The following RBM19 variants were observed in gnomAD, a reference collection of about 807,000 sequenced individuals.
RBM19 encodes probable RNA-binding protein 19.
A neutral mutation model predicts 116.8 loss-of-function variants in RBM19; 94 were observed. The observed-to-expected ratio is 0.80, with a 90% CI of 0.68 to 0.95. RBM19 has a LOEUF of 0.95. Among genes scored for constraint, RBM19 ranks in the 40% least tolerant of loss-of-function variants. RBM19 has a pLI of 0.00. For missense variants in RBM19, 1,161 were observed against 1,220.7 expected (o/e 0.95, Z 0.73); for synonymous variants, 475 against 494.1 (o/e 0.96, Z 0.51).
chr12:113,845,311 C>G (rs533675852), intron 22 of RBM19, among the ~76,000 whole-genome samples: 1 of 152,238 alleles, frequency 6.6e-6, no homozygotes, highest in South Asian at 2.1e-4. Flanking sequence ...CTGGTTCCCC[C>G]AGCCCTGCGC....
At chr12:113,915,613 C>T (rs1360257750) in intron 20 of RBM19, among the ~76,000 whole-genome samples, 1 of 152,168 alleles carries the variant, frequency 6.6e-6, no homozygotes, top group Non-Finnish European at 1.5e-5. Flanking sequence ...CCTCCCACTC[C>T]ACCAAAACAG....
chr12:113,954,889 C>T (rs957066985), intron 7 of RBM19, among the ~76,000 whole-genome samples: 3 of 152,126 alleles, frequency 2.0e-5, no homozygotes, highest in African/African-American at 7.2e-5. Flanking sequence ...AGAGTGTGTG[C>T]CCACCCTGGT....
chr12:113,832,733 T>C (rs1875536681), intron 23 of RBM19, among the ~76,000 whole-genome samples: 2 of 152,202 alleles, frequency 1.3e-5, no homozygotes, highest in Non-Finnish European at 2.9e-5. Context: ...AACCTCTGTC[T>C]CCAGGTGGAT....
At chr12:113,854,081 C>T (rs1877687735) in intron 22 of RBM19, among the ~76,000 whole-genome samples, 1 of 152,040 alleles carries the variant, frequency 6.6e-6, no homozygotes, top group South Asian at 2.1e-4. Flanking sequence ...TGAATGCAAG[C>T]TTTGGAATTA....
intron 21 of RBM19, among the ~76,000 whole-genome samples, chr12:113,862,397 G>T (rs1279055581): frequency 1.3e-5 from 2 of 151,990 alleles, no homozygotes; most frequent in African/African-American, 4.8e-5. Context: ...AACGGTGTGG[G>T]ATCATATAAG....
At chr12:113,963,744 C>T (rs1295763917) in intron 1 of RBM19, among the ~76,000 whole-genome samples, 3 of 152,184 alleles carry the variant, frequency 2.0e-5, no homozygotes, top group Non-Finnish European at 4.4e-5. Flanking sequence ...GACTTTCTGG[C>T]ACCAAAGTCT....
chr12:113,927,888 C>T (rs796460571), intron 16 of RBM19, among the ~76,000 whole-genome samples: 11 of 152,210 alleles, frequency 7.2e-5, no homozygotes, highest in African/African-American at 2.6e-4. Context: ...GGTAGAGTAC[C>T]ACCAAAAGCT....
At chr12:113,896,946 A>AG (rs1309443175) in intron 21 of RBM19, among the ~76,000 whole-genome samples, 1 of 152,238 alleles carries the variant, frequency 6.6e-6, no homozygotes, top group Non-Finnish European at 1.5e-5. Flanking sequence ...GTAGCAGTTT[A>AG]CACCATCTCT....
intron 21 of RBM19, among the ~76,000 whole-genome samples, chr12:113,897,652 G>T (rs1421042307): frequency 1.3e-5 from 2 of 152,208 alleles, no homozygotes; most frequent in African/African-American, 4.8e-5. Flanking sequence ...TCTCTTAAAA[G>T]CAAACAGAAA....
intron 23 of RBM19, among the ~76,000 whole-genome samples, chr12:113,837,645 G>T (rs1288641964): frequency 1.3e-5 from 2 of 152,226 alleles, no homozygotes; most frequent in Non-Finnish European, 2.9e-5. Flanking sequence ...CAGGTAAAAT[G>T]CAAGGGGCAG....
chr12:113,905,087 CTT>C (rs1881952362), intron 21 of RBM19, among the ~76,000 whole-genome samples: 1 of 152,210 alleles, frequency 6.6e-6, no homozygotes, highest in Admixed American at 6.5e-5. Context: ...CCCTGAGAGA[CTT>C]TTCTCCTTAC....
At chr12:113,929,924 T>C (rs955350767) in intron 16 of RBM19, among the ~76,000 whole-genome samples, 3 of 152,194 alleles carry the variant, frequency 2.0e-5, no homozygotes, top group Non-Finnish European at 2.9e-5. Context: ...GAGAAAAGCA[T>C]AGTGGGGATG....
At chr12:113,927,774 T>C (rs570078863) in intron 16 of RBM19, among the ~76,000 whole-genome samples, 1 of 152,268 alleles carries the variant, frequency 6.6e-6, no homozygotes, top group East Asian at 1.9e-4. Flanking sequence ...TCAGGAAGCA[T>C]ATACACAAAA....
At chr12:113,818,234 A>G (rs1399729268), downstream of RBM19, 2 of 152,180 alleles carry the variant, frequency 1.3e-5, no homozygotes, top group Non-Finnish European at 2.9e-5. Flanking sequence ...AAAAAAAAAA[A>G]AAAGAAAGGG....
chr12:113,847,746 T>C (rs998276989), intron 22 of RBM19, among the ~76,000 whole-genome samples: 11 of 152,198 alleles, frequency 7.2e-5, no homozygotes. Flanking sequence ...TTTCCCACTG[T>C]CAGATTTCAA....
chr12:113,872,526 T>G (rs866552720), intron 21 of RBM19, among the ~76,000 whole-genome samples: 6,925 of 49,540 alleles, frequency 0.14, 36 homozygotes, highest in East Asian at 0.22. Context: ...GAGGTGGGGG[T>G]GTCGGCCCCC....
At chr12:113,947,256 AT>A in intron 11 of RBM19, 77 bp downstream of exon 11, 1 of 1,477,748 alleles carries the variant, frequency 6.8e-7, no homozygotes, top group Non-Finnish European at 9.1e-7. Flanking sequence ...GTCCACACAC[AT>A]ACACACACAC....
chr12:113,890,969 A>ATT (rs879933866), intron 21 of RBM19, among the ~76,000 whole-genome samples: 8 of 144,786 alleles, frequency 5.5e-5, no homozygotes, highest in Non-Finnish European at 7.6e-5. Context: ...TAATATTTCA[A>ATT]TTTTTTTTTT....
chr12:113,929,825 T>C (rs1342958924), intron 16 of RBM19, among the ~76,000 whole-genome samples: 4 of 151,798 alleles, frequency 2.6e-5, no homozygotes, highest in Non-Finnish European at 5.9e-5. Context: ...CCAAGGAGAG[T>C]TCTGTAGGCT....
Sources: gnomAD v4.1 joint callset for allele counts (sites outside exome capture counted in the v4.1 genomes callset) on GRCh38, gnomAD v4.1.1 for gene constraint, MANE v1.5 for transcripts, NCBI Gene and HGNC (gene_info 2026-07-23, HGNC 2026-07-21) for gene names.